TTC3: variants seen among roughly 807,000 people sequenced by gnomAD.
TTC3 encodes tetratricopeptide repeat domain 3.
TTC3 carries 180 observed loss-of-function variants against 249.6 expected under a neutral mutation model. The ratio of observed to expected loss-of-function variants is 0.72; its 90% CI spans 0.64 to 0.82. The LOEUF (loss-of-function observed/expected upper bound fraction) is 0.82, where lower values mean the gene tolerates loss of function less well. TTC3 is among the 40% of genes least tolerant of loss of function. The pLI, the probability that TTC3 is intolerant of heterozygous loss-of-function variation, is 0.00. For synonymous variants in TTC3, 717 were observed against 805.0 expected, an observed-to-expected ratio of 0.89 and a Z score of 1.85; for missense variants, 2,061 against 2,398.4, an observed-to-expected ratio of 0.86 and a Z score of 2.94.
intron 22 of TTC3, among the ~76,000 whole-genome samples, chr21:37,148,180 G>A (rs2079146793): frequency 6.6e-6 from 1 of 152,176 alleles, no homozygotes; most frequent in Non-Finnish European, 1.5e-5. Flanking sequence ...AAGTGAGATT[G>A]TTACCTCTGA....
intron 16 of TTC3, among the ~76,000 whole-genome samples, chr21:37,131,734 A>G (rs1183243797): frequency 1.3e-5 from 2 of 152,176 alleles, no homozygotes; most frequent in African/African-American, 4.8e-5. Context: ...TCTGGGAGTT[A>G]GTATCAGAAC....
chr21:37,152,629 C>T (rs537865202), intron 26 of TTC3, among the ~76,000 whole-genome samples: 18 of 152,144 alleles, frequency 1.2e-4, no homozygotes, highest in African/African-American at 3.6e-4. Context: ...CCACCCTCCT[C>T]GGCCTCCCAA....
chr21:37,147,751 A>G (rs1409581271), intron 22 of TTC3, 148 bp downstream of exon 22: 13 of 892,852 alleles, frequency 1.5e-5, no homozygotes, highest in South Asian at 2.0e-5. Flanking sequence ...TTTTTTTGAG[A>G]TAAGTCTCAC....
chr21:37,188,557 A>G, exon 39 of TTC3: 1 of 1,614,116 alleles, frequency 6.2e-7, no homozygotes, highest in Non-Finnish European at 8.5e-7. Flanking sequence ...TGGAGTCACA[A>G]GCAGAAGCCT....
intron 32 of TTC3, among the ~76,000 whole-genome samples, chr21:37,165,317 C>T (rs2077420369): frequency 1.3e-5 from 2 of 151,752 alleles, no homozygotes; most frequent in African/African-American, 4.8e-5. Flanking sequence ...TTTTGCTTTC[C>T]CCTGCTCCCA....
At chr21:37,197,981 C>G (rs553424237) in exon 44 of TTC3, 8 of 1,613,810 alleles carry the variant, frequency 5.0e-6, no homozygotes, top group Non-Finnish European at 5.9e-6. Flanking sequence ...TGCACCATCA[C>G]CCAAAACCAA....
chr21:37,175,664 T>TTA (rs2082206376), intron 35 of TTC3, among the ~76,000 whole-genome samples: 1 of 151,654 alleles, frequency 6.6e-6, no homozygotes, highest in South Asian at 2.1e-4. Context: ...GAGCGAGGTA[T>TTA]TATATATAGC....
chr21:37,184,492 T>A (rs1300109284), intron 36 of TTC3, among the ~76,000 whole-genome samples: 1 of 152,068 alleles, frequency 6.6e-6, no homozygotes, highest in Non-Finnish European at 1.5e-5. Context: ...TTTGCTTTTG[T>A]CACCCAGCCT....
intron 1 of TTC3, chr21:37,081,626 C>T (rs989340234): frequency 2.6e-5 from 4 of 151,906 alleles, no homozygotes; most frequent in Non-Finnish European, 5.9e-5. Context: ...TCTCATTAGT[C>T]TCTTCTCTCC....
intron 1 of TTC3, among the ~76,000 whole-genome samples, chr21:37,074,258 T>C (rs2070493961): frequency 6.6e-6 from 1 of 152,096 alleles, no homozygotes; most frequent in Admixed American, 6.5e-5. Flanking sequence ...CAGGATCGAG[T>C]CTGGCCAGCT....
At chr21:37,188,791 C>A in intron 39 of TTC3, 196 bp downstream of exon 39, 1 of 409,102 alleles carries the variant, frequency 2.4e-6, no homozygotes, top group African/African-American at 2.0e-5. Context: ...GGATAGATAA[C>A]ATTTGTATTT....
chr21:37,089,661 C>T (rs1177871598), intron 5 of TTC3, among the ~76,000 whole-genome samples: 1 of 152,058 alleles, frequency 6.6e-6, no homozygotes, highest in African/African-American at 2.4e-5. Context: ...CTGTAGGCGC[C>T]TGCCACCATG....
At chr21:37,159,743 C>T in exon 29 of TTC3, 2 of 1,607,074 alleles carry the variant, frequency 1.2e-6, no homozygotes, top group Middle Eastern at 1.7e-4. Flanking sequence ...TGGTGAAGCA[C>T]CGGTAAGTTA....
At chr21:37,195,615 G>A (rs753599283) in intron 41 of TTC3, 60 bp from the exon 42 acceptor site, 310 of 1,528,772 alleles carry the variant, frequency 2.0e-4, no homozygotes, top group Non-Finnish European at 2.6e-4. Flanking sequence ...CTTTGTCCTT[G>A]GGCGTTTCAT....
intron 41 of TTC3, among the ~76,000 whole-genome samples, chr21:37,192,540 G>C (rs1012840300): frequency 2.6e-5 from 3 of 113,216 alleles, no homozygotes; most frequent in African/African-American, 1.1e-4. Context: ...ATGTATTCCT[G>C]ACTTTGAACA....
intron 12 of TTC3, 92 bp from the exon 13 acceptor site, chr21:37,122,891 A>C: frequency 1.5e-6 from 2 of 1,346,890 alleles, no homozygotes; most frequent in Non-Finnish European, 2.0e-6. Flanking sequence ...TGAGGTCCTT[A>C]CTATCAGCTT....
chr21:37,154,490 C>T (rs2079800786), intron 27 of TTC3, among the ~76,000 whole-genome samples: 1 of 152,138 alleles, frequency 6.6e-6, no homozygotes, highest in African/African-American at 2.4e-5. Context: ...TAGTGAGTAT[C>T]AAGTAAGCAA....
chr21:37,201,673 C>T, exon 46 of TTC3: 3 of 1,445,018 alleles, frequency 2.1e-6, no homozygotes, highest in Non-Finnish European at 2.8e-6. Context: ...GACCCTTGTG[C>T]ATTGTGTGTC....
chr21:37,132,804 C>A, intron 17 of TTC3, 38 bp downstream of exon 17: 1 of 1,497,088 alleles, frequency 6.7e-7, no homozygotes, highest in Non-Finnish European at 9.1e-7. Context: ...AAGCAAAACT[C>A]TTTGAACAAA....
Sources: gnomAD v4.1 joint callset for allele counts (sites outside exome capture counted in the v4.1 genomes callset) on GRCh38, gnomAD v4.1.1 for gene constraint, MANE v1.5 for transcripts, NCBI Gene and HGNC (gene_info 2026-07-23, HGNC 2026-07-21) for gene names.